KCNQ2: variants seen among roughly 807,000 people sequenced by gnomAD.
KCNQ2 encodes the protein potassium voltage-gated channel subfamily KQT member 2.
In KCNQ2, 14 loss-of-function variants were observed where a neutral mutation model predicts 84.8. The observed-to-expected ratio is 0.17, with a 90% CI of 0.11 to 0.26. KCNQ2 has a LOEUF of 0.26. Ranked by LOEUF, KCNQ2 falls within the 10% of genes least tolerant of loss-of-function variation. The probability of loss-of-function intolerance (pLI) is 1.00; values close to 1 mark genes in which losing one functional copy is unlikely to be tolerated. For missense variants in KCNQ2, 788 were observed against 1,254.0 expected (o/e 0.63, Z 5.61); for synonymous variants, 599 against 554.1 (o/e 1.08, Z -1.14).
At chr20:63,429,786 C>A (rs1213980651) in intron 9 of KCNQ2, among the ~76,000 whole-genome samples, 1 of 152,132 alleles carries the variant, frequency 6.6e-6, no homozygotes, top group Non-Finnish European at 1.5e-5. Flanking sequence ...CCCCTCCCTG[C>A]ACCCCACCAG....
chr20:63,429,545 C>T (rs1342626516), intron 9 of KCNQ2, among the ~76,000 whole-genome samples: 1 of 152,124 alleles, frequency 6.6e-6, no homozygotes, highest in Non-Finnish European at 1.5e-5. Context: ...CAGGCTGGGC[C>T]GTGGCCCACA....
chr20:63,418,149 AGCACGCGTGGTCTC>A (rs1210676516), intron 12 of KCNQ2, among the ~76,000 whole-genome samples: 2 of 152,168 alleles, frequency 1.3e-5, no homozygotes, highest in Non-Finnish European at 2.9e-5. Flanking sequence ...AGCTGCCAGG[AGCACGCGTGGTCTC>A]GCAGGCCCTC....
At chr20:63,468,309 G>A (rs968986400) in intron 1 of KCNQ2, among the ~76,000 whole-genome samples, 20 of 152,300 alleles carry the variant, frequency 1.3e-4, no homozygotes, top group South Asian at 6.2e-4. Context: ...ACAATGCTCC[G>A]TCAGCAGAGA....
At position 63,472,022 on chromosome 20, in the gene KCNQ2, C is replaced by T. The variant is rs563061645; in HGVS notation, c.296+146G>A. The T allele has an allele frequency of 4.1e-5, 24 of 588,552 alleles. No individual in the cohort carries two copies. The Admixed American group carries it at 6.0e-4, about 15-fold the overall frequency. 36.5% of individuals were successfully genotyped at this position (588,552 alleles called of 1,614,324 possible). A position where few individuals can be genotyped will look rare whatever the true frequency, so the allele number is the denominator to read the frequency against. On this transcript the variant is annotated intron_variant, in intron 1 of 16. Coordinates refer to ENST00000359125, the MANE Select transcript of KCNQ2 (RefSeq NM_172107.4). ...CAATCGCTCTCCGGTCTCGGCCCAG[C>T]ACTCCCGCCGGGGAGCGCCGGCCCC...
In KCNQ2 at chr20:63,406,232, G is replaced by A. The variant is rs886056920; in HGVS notation, c.*412C>T. On this transcript the variant is annotated 3_prime_UTR_variant, in exon 17 of 17. Transcript: ENST00000359125. The stretch of plus-strand genomic sequence containing the variant: ...CTCACCAAACAGGCCCGCCCTTTGC[G>A]CAGGTCCTCAGGGAACAGGCCTGCC... The A allele has an allele frequency of 1.7e-4, 32 of 188,438 alleles. No individual in the cohort carries two copies. Among genetic ancestry groups the A allele is most frequent in the African/African-American group, 5.7e-4 (24 of 42,470 alleles). The allele number at this position is 188,438 out of a possible 1,614,324, so 11.7% of individuals were successfully genotyped here.
rs1060503976 is a variant in KCNQ2 at position 63,408,434 on chromosome 20, C to G, written c.1866G>C (p.Arg622=). The change falls in exon 16 of 17, where the codon CGG becomes CGC. Residue 622 remains arginine, a synonymous_variant. Coordinates refer to ENST00000359125, the MANE Select transcript of KCNQ2 (RefSeq NM_172107.4). This position sits in a 1 kb window ranked among gnomAD's most constrained non-coding sequence, Gnocchi z 5.0. ...ELPEDPSMMG[R]LGKVEKQVLS... ...GCACCTGCTTCTCCACCTTCCCGAGCCGTCCCATCATGCTGGGGTCCTCGG... is the reference window on the plus strand; with the variant it reads ...GCACCTGCTTCTCCACCTTCCCGAGGCGTCCCATCATGCTGGGGTCCTCGG... 10 of 1,609,082 alleles carry G rather than the reference C, an allele frequency of 6.2e-6. No individual in the cohort carries two copies. The highest frequency in any genetic ancestry group is 7.6e-6 in the Non-Finnish European group (9 of 1,179,160).
chr20:63,444,465 C>G (rs958549675), intron 4 of KCNQ2, among the ~76,000 whole-genome samples, 194 bp downstream of exon 4: 1 of 152,184 alleles, frequency 6.6e-6, no homozygotes, highest in African/African-American at 2.4e-5. Flanking sequence ...TGGCCCAAGT[C>G]ACGAGAAGAA....
At chr20:63,451,294 G>A (rs2081609368) in intron 1 of KCNQ2, among the ~76,000 whole-genome samples, 1 of 152,110 alleles carries the variant, frequency 6.6e-6, no homozygotes, top group South Asian at 2.1e-4. Context: ...CCCAGGCCAG[G>A]CCTCTGGGCT....
Position 63,461,934 on chromosome 20 carries a change from G to C in KCNQ2, c.296+10234C>G, listed in dbSNP as rs569465387. Among the ~76,000 whole-genome samples, 325 of 106,934 alleles carry C rather than the reference G, an allele frequency of 3.0e-3. 5 individuals are homozygous for C. Among genetic ancestry groups the C allele is most frequent in the African/African-American group, 0.012 (294 of 24,228 alleles). The allele number at this position is 106,934 out of a possible 152,430, so 70.2% of individuals were successfully genotyped here. ...GGGAGGAGGCTGCACCTACCCCAGG[G>C]AGCAGGGAGGAGGCTGCATCTACCC... On this transcript the variant is annotated intron_variant, in intron 1 of 16. Coordinates refer to ENST00000359125, the MANE Select transcript of KCNQ2 (RefSeq NM_172107.4).
chr20:63,448,587 G>A (rs1266827952), intron 1 of KCNQ2: 1 of 152,286 alleles, frequency 6.6e-6, no homozygotes, highest in Non-Finnish European at 1.5e-5. Context: ...GTCAAGGGAG[G>A]GAGATTCCCC....
chr20:63,405,201 C>A lies in KCNQ2; in HGVS notation c.*1443G>T, dbSNP rs1165407284. 1.3e-5 allele frequency: 2 copies of A among 152,242 alleles called. No homozygotes were observed. The highest frequency in any genetic ancestry group is 4.8e-5 in the African/African-American group (2 of 41,448). 9.4% of individuals were successfully genotyped at this position (152,242 alleles called of 1,614,324 possible). ...CCAGGACTCCCCTGCACTTGCTCTG[C>A]AGGAGTATTTGCGCCCACGACCCCA... On this transcript the variant is annotated 3_prime_UTR_variant, in exon 17 of 17. Coordinates refer to ENST00000359125, the MANE Select transcript of KCNQ2 (RefSeq NM_172107.4).
chr20:63,439,049 C>T (rs924502431), intron 6 of KCNQ2, among the ~76,000 whole-genome samples: 2 of 152,126 alleles, frequency 1.3e-5, no homozygotes, highest in Admixed American at 6.5e-5. Flanking sequence ...TGGCAGGACC[C>T]ACACTGAACT....
At chr20:63,420,474 C>G (rs1353532357) in intron 11 of KCNQ2, among the ~76,000 whole-genome samples, 1 of 150,358 alleles carries the variant, frequency 6.7e-6, no homozygotes, top group Non-Finnish European at 1.5e-5. Flanking sequence ...CCCCCAACCT[C>G]CTTGCCACTG....
intron 1 of KCNQ2, among the ~76,000 whole-genome samples, chr20:63,452,831 C>T (rs1292255075): frequency 1.3e-5 from 2 of 152,040 alleles, no homozygotes; most frequent in African/African-American, 4.8e-5. Flanking sequence ...GGACCCTCCT[C>T]GTGGGAACTG....
At chr20:63,409,958 T>G (rs1601554303) in intron 15 of KCNQ2, 2 of 267,756 alleles carry the variant, frequency 7.5e-6, no homozygotes, top group Non-Finnish European at 1.5e-5. Flanking sequence ...TGGGCTGCCC[T>G]ACCTGCCTCT....
intron 4 of KCNQ2, among the ~76,000 whole-genome samples, chr20:63,443,457 TCACCAC>T (rs1568937951): frequency 1.1e-4 from 3 of 27,312 alleles, no homozygotes; most frequent in African/African-American, 1.4e-4. Context: ...ACCATCACCA[TCACCAC>T]CATCACCACC....
intron 15 of KCNQ2, among the ~76,000 whole-genome samples, chr20:63,409,175 G>A (rs1323172455): frequency 2.0e-5 from 3 of 152,270 alleles, no homozygotes; most frequent in Non-Finnish European, 4.4e-5. Flanking sequence ...CCAGAAGAGG[G>A]GAGACAAAGC....
intron 1 of KCNQ2, chr20:63,458,928 G>C (rs1161665875): frequency 6.6e-6 from 1 of 152,362 alleles, no homozygotes; most frequent in African/African-American, 2.4e-5. Context: ...GGCCCACCCA[G>C]GGCACCTGGC....
chr20:63,465,601 C>T (rs912308569), intron 1 of KCNQ2, among the ~76,000 whole-genome samples: 7 of 152,196 alleles, frequency 4.6e-5, no homozygotes, highest in Admixed American at 6.5e-5. Context: ...CAGGGGCCAG[C>T]GGGAGCCATT....
Sources: allele counts gnomAD v4.1 joint callset (sites outside exome capture counted in the v4.1 genomes callset), GRCh38; gene constraint gnomAD v4.1.1; non-coding constraint Gnocchi (gnomAD v3.1); transcripts MANE v1.5; gene names NCBI Gene and HGNC (gene_info 2026-07-23, HGNC 2026-07-21).